Variants in SLC39A10 observed in about 807,000 individuals in gnomAD.
The protein encoded by SLC39A10 is zinc transporter ZIP10.
A neutral mutation model predicts 65.1 loss-of-function variants in SLC39A10; 13 were observed. The observed-to-expected ratio is 0.20, with a 90% CI of 0.13 to 0.32. SLC39A10 has a LOEUF of 0.32. Among genes scored for constraint, SLC39A10 ranks in the 10% least tolerant of loss-of-function variants. SLC39A10 has a pLI of 1.00. For synonymous variants in SLC39A10, 321 were observed against 342.2 expected (o/e 0.94, Z 0.68); for missense variants, 831 against 1,018.4 (o/e 0.82, Z 2.50).
intron 3 of SLC39A10, among the ~76,000 whole-genome samples, chr2:195,697,883 A>G (rs1691029208): frequency 6.6e-6 from 1 of 152,108 alleles, no homozygotes; most frequent in South Asian, 2.1e-4. Context: ...ACCATCTTAC[A>G]CCAGTCAGAA....
chr2:195,699,354 C>G (rs1469454054), intron 3 of SLC39A10, among the ~76,000 whole-genome samples: 2 of 151,240 alleles, frequency 1.3e-5, no homozygotes, highest in Non-Finnish European at 3.0e-5. Context: ...TCTTCTTTTT[C>G]TAGTCCCTTA....
chr2:195,661,334 A>T (rs1689387688), intron 1 of SLC39A10, among the ~76,000 whole-genome samples: 1 of 152,240 alleles, frequency 6.6e-6, no homozygotes, highest in African/African-American at 2.4e-5. Context: ...TCAATAAAAA[A>T]TTAGTGGAAT....
chr2:195,624,628 A>C lies in SLC39A10; in HGVS notation c.-12+18395A>C, dbSNP rs553147848. ...GATGGCTCACTTCTGTAATCCCAGC[A>C]CTTTGGGAAGCCGAGGCGGGTGGAT... On this transcript the variant is annotated intron_variant, in intron 2 of 2. Transcript: ENST00000458054. Among the ~76,000 whole-genome samples the C allele has an allele frequency of 2.0e-5, 3 of 151,946 alleles. No individual in the cohort carries two copies. The East Asian group carries it at 5.9e-4, about 30-fold the overall frequency.
intron 5 of SLC39A10, among the ~76,000 whole-genome samples, chr2:195,713,220 CTTAG>C (rs1473695928): frequency 9.9e-5 from 15 of 152,074 alleles, no homozygotes; most frequent in Admixed American, 5.9e-4. Flanking sequence ...AATGGAACCT[CTTAG>C]TTGAATATTT....
intron 1 of SLC39A10, among the ~76,000 whole-genome samples, chr2:195,670,169 T>TA (rs1172100101): frequency 6.6e-6 from 1 of 150,722 alleles, no homozygotes; most frequent in African/African-American, 2.4e-5. Context: ...AAAAATAAAA[T>TA]AAAAAAGTTT....
intron 2 of SLC39A10, among the ~76,000 whole-genome samples, chr2:195,629,227 T>TAC (rs1230434548): frequency 2.7e-4 from 41 of 151,180 alleles, no homozygotes; most frequent in South Asian, 6.3e-4. Flanking sequence ...TCTCTAAAAA[T>TAC]ACACACACAC....
chr2:195,728,061 G>A lies in SLC39A10; in HGVS notation c.2147-98G>A. 3.8e-6 allele frequency: 4 copies of A among 1,055,416 alleles called. No homozygotes were observed. In the Admixed American group the frequency reaches 7.1e-5, roughly 19 times the overall value. The allele number at this position is 1,055,416 out of a possible 1,614,324, so 65.4% of individuals were successfully genotyped here. A position where few individuals can be genotyped will look rare whatever the true frequency, so the allele number is the denominator to read the frequency against. The stretch of plus-strand genomic sequence containing the variant: ...CACATAAAATACTGTTATTAAAAGT[G>A]TGTATCTTTTTAATGCTGATTTTAT... On this transcript the variant is annotated intron_variant, in intron 8 of 9. Coordinates refer to ENST00000359634, the MANE Select transcript of SLC39A10 (RefSeq NM_020342.3). The surrounding 1 kb of genome is among the most constrained non-coding windows in gnomAD (Gnocchi z 4.4).
chr2:195,690,368 C>G (rs1173393184), intron 3 of SLC39A10, among the ~76,000 whole-genome samples: 1 of 151,962 alleles, frequency 6.6e-6, no homozygotes, highest in Non-Finnish European at 1.5e-5. Flanking sequence ...CTCTGAGACC[C>G]TGTTTTAAAT....
intron 6 of SLC39A10, among the ~76,000 whole-genome samples, 161 bp from the exon 7 acceptor site, chr2:195,716,476 A>G (rs1691813919): frequency 6.6e-6 from 1 of 152,032 alleles, no homozygotes; most frequent in Non-Finnish European, 1.5e-5. Context: ...TCCAGAAATC[A>G]TTTTTCTATT....
rs187961424 is a variant in SLC39A10 at position 195,636,400 on chromosome 2, T to C, written c.-12+30167T>C. 5.3e-5 allele frequency among the ~76,000 whole-genome samples: 8 copies of C among 152,342 alleles called. No individual in the cohort carries two copies. In the East Asian group the frequency reaches 1.5e-3, roughly 29 times the overall value. On this transcript the variant is annotated intron_variant, in intron 2 of 2. Transcript: ENST00000458054. ...TTTTTTTTATTTTTAGTTTCTAAAA[T>C]GGTAATTATTGATAGATGTGACTCA...
intron 2 of SLC39A10, among the ~76,000 whole-genome samples, chr2:195,648,947 C>T (rs972734316): frequency 1.3e-5 from 2 of 152,040 alleles, no homozygotes; most frequent in Admixed American, 6.6e-5. Context: ...AACATAAATG[C>T]TTAGAGAAAG....
chr2:195,677,864 G>T (rs1690155362), intron 1 of SLC39A10, among the ~76,000 whole-genome samples: 1 of 149,868 alleles, frequency 6.7e-6, no homozygotes, highest in Non-Finnish European at 1.5e-5. Context: ...ATTCTCCTGT[G>T]TCAGCCTCCC....
chr2:195,649,161 T>A (rs537898144), intron 2 of SLC39A10, among the ~76,000 whole-genome samples: 1 of 151,890 alleles, frequency 6.6e-6, no homozygotes, highest in Non-Finnish European at 1.5e-5. Flanking sequence ...AAAAAAAGAA[T>A]GACAACAACA....
intron 1 of SLC39A10, chr2:195,658,129 G>T (rs1226408253): frequency 6.6e-6 from 1 of 152,450 alleles, no homozygotes; most frequent in African/African-American, 2.4e-5. Flanking sequence ...CGCCTCTCCG[G>T]GTCTGGGAAT....
chr2:195,670,360 GTGACAACAT>G (rs1689809508), intron 1 of SLC39A10: 1 of 151,684 alleles, frequency 6.6e-6, no homozygotes, highest in African/African-American at 2.4e-5. Flanking sequence ...TTTTTTTGTG[GTGACAACAT>G]TCAACAATAT....
intron 3 of SLC39A10, among the ~76,000 whole-genome samples, chr2:195,691,527 A>G (rs1054893979): frequency 1.3e-5 from 2 of 152,054 alleles, no homozygotes; most frequent in Non-Finnish European, 2.9e-5. Context: ...GCCAACATCT[A>G]TTATTTTTTG....
At chr2:195,671,399 C>T (rs1559025687) in intron 1 of SLC39A10, among the ~76,000 whole-genome samples, 1 of 152,184 alleles carries the variant, frequency 6.6e-6, no homozygotes, top group Non-Finnish European at 1.5e-5. Context: ...TTTCCCATTT[C>T]TTGTCAGTAG....
chr2:195,712,605 T>C (rs1384258651), intron 5 of SLC39A10, among the ~76,000 whole-genome samples: 1 of 152,240 alleles, frequency 6.6e-6, no homozygotes, highest in Non-Finnish European at 1.5e-5. Flanking sequence ...AATTATTTGC[T>C]TTCTTAAATT....
intron 3 of SLC39A10, among the ~76,000 whole-genome samples, chr2:195,690,828 C>G (rs565858682): frequency 1.3e-5 from 2 of 152,134 alleles, no homozygotes; most frequent in South Asian, 4.2e-4. Context: ...TGCCTTTTTA[C>G]TCTGTTGATA....
Sources: gnomAD v4.1 joint callset for allele counts (sites outside exome capture counted in the v4.1 genomes callset) on GRCh38, gnomAD v4.1.1 for gene constraint, Gnocchi (gnomAD v3.1) non-coding constraint, MANE v1.5 for transcripts, NCBI Gene and HGNC (gene_info 2026-07-23, HGNC 2026-07-21) for gene names.